NCALD: variants seen among roughly 807,000 people sequenced by gnomAD.
NCALD encodes the protein neurocalcin-delta.
Under a neutral mutation model 18.6 loss-of-function variants are expected in NCALD, and 10 were observed. The observed-to-expected ratio is 0.54, with a 90% confidence interval of 0.33 to 0.91. The LOEUF (loss-of-function observed/expected upper bound fraction) is 0.91, where lower values mean the gene tolerates loss of function less well. NCALD is among the 40% of genes least tolerant of loss of function. The pLI, the probability that NCALD is intolerant of heterozygous loss-of-function variation, is 0.03. For synonymous variants in NCALD, 88 were observed against 87.4 expected, an observed-to-expected ratio of 1.01 and a Z score of -0.04; for missense variants, 184 against 247.6, an observed-to-expected ratio of 0.74 and a Z score of 1.72.
chr8:102,062,905 G>A (rs934242893), intron 1 of NCALD, among the ~76,000 whole-genome samples: 1 of 152,104 alleles, frequency 6.6e-6, no homozygotes, highest in Non-Finnish European at 1.5e-5. Flanking sequence ...GGGTCAGAGA[G>A]GGTGCAAATA....
chr8:101,714,040 G>A (rs182174848), intron 2 of NCALD, among the ~76,000 whole-genome samples: 120 of 152,250 alleles, frequency 7.9e-4, no homozygotes, highest in Admixed American at 1.1e-3. Context: ...ATATCACACC[G>A]AATGGGCAAA....
chr8:101,935,290 C>G (rs1280183772), intron 2 of NCALD, among the ~76,000 whole-genome samples: 1 of 152,096 alleles, frequency 6.6e-6, no homozygotes, highest in African/African-American at 2.4e-5. Flanking sequence ...CCCGAATTTT[C>G]CAAACAATTC....
intron 2 of NCALD, among the ~76,000 whole-genome samples, chr8:102,014,641 T>C (rs1822019111): frequency 6.6e-6 from 1 of 152,244 alleles, no homozygotes; most frequent in Non-Finnish European, 1.5e-5. Flanking sequence ...ATTGTTCAAC[T>C]AAATTGATAA....
At chr8:102,063,316 A>T (rs1823905493) in intron 1 of NCALD, among the ~76,000 whole-genome samples, 1 of 152,182 alleles carries the variant, frequency 6.6e-6, no homozygotes, top group South Asian at 2.1e-4. Context: ...GCACTCTGTG[A>T]TATCATTTGG....
chr8:102,057,541 C>T lies in NCALD; in HGVS notation c.-209-37252G>A, dbSNP rs977651044. ...TATATATTGCTAAAATTTTCATGCT[C>T]CAGTGTCTACTGAAAAATAACTGTT... On this transcript the variant is annotated intron_variant, in intron 1 of 6. Coordinates refer to the NCALD transcript ENST00000311028. Among the ~76,000 whole-genome samples the T allele has an allele frequency of 5.9e-5, 9 of 152,134 alleles. 1 individual carries two copies. The highest frequency in any genetic ancestry group is 6.5e-5 in the Admixed American group (1 of 15,270).
At chr8:101,980,542 T>G (rs1211190728) in intron 2 of NCALD, among the ~76,000 whole-genome samples, 1 of 151,982 alleles carries the variant, frequency 6.6e-6, no homozygotes. Flanking sequence ...CTGGAAACAG[T>G]GAAAAATGAG....
chr8:101,749,966 G>A (rs893928626), intron 1 of NCALD: 1 of 152,616 alleles, frequency 6.6e-6, no homozygotes, highest in Non-Finnish European at 1.5e-5. Flanking sequence ...ACATACTTGA[G>A]ACTGGGTCAT....
intron 2 of NCALD, among the ~76,000 whole-genome samples, chr8:101,916,407 C>T (rs992683573): frequency 5.9e-5 from 9 of 152,110 alleles, no homozygotes; most frequent in Non-Finnish European, 1.2e-4. Flanking sequence ...ATGATACTTG[C>T]TACCACAAAA....
chr8:101,757,047 C>T (rs1370032969), intron 1 of NCALD, among the ~76,000 whole-genome samples: 1 of 152,090 alleles, frequency 6.6e-6, no homozygotes, highest in East Asian at 1.9e-4. Flanking sequence ...AACATTTTTC[C>T]AATAAGCAAA....
chr8:101,788,370 C>T (rs911348051), intron 1 of NCALD, among the ~76,000 whole-genome samples: 4 of 152,198 alleles, frequency 2.6e-5, no homozygotes, highest in Non-Finnish European at 4.4e-5. Flanking sequence ...ATGTAGGCCA[C>T]AAGCCACAGC....
At chr8:102,112,971 T>C (rs1825684601) in intron 1 of NCALD, among the ~76,000 whole-genome samples, 1 of 150,574 alleles carries the variant, frequency 6.6e-6, no homozygotes, top group African/African-American at 2.5e-5. Flanking sequence ...ACATCAGAAT[T>C]ATAAGCCAAA....
intron 1 of NCALD, among the ~76,000 whole-genome samples, chr8:102,073,784 G>T (rs1450261855): frequency 2.0e-5 from 3 of 152,266 alleles, no homozygotes; most frequent in Non-Finnish European, 4.4e-5. Flanking sequence ...GGGTCCTAAT[G>T]CTGTACCTTC....
At chr8:101,964,749 C>G (rs1819959410) in intron 2 of NCALD, among the ~76,000 whole-genome samples, 1 of 152,138 alleles carries the variant, frequency 6.6e-6, no homozygotes. Context: ...CCAAATTATC[C>G]ATAAGGACAG....
chr8:101,977,346 A>G (rs1029147906), intron 2 of NCALD, among the ~76,000 whole-genome samples: 1 of 152,110 alleles, frequency 6.6e-6, no homozygotes, highest in Admixed American at 6.5e-5. Context: ...TTCACACTCT[A>G]TGTTTGGATA....
chr8:102,016,620 C>A (rs913444877), intron 2 of NCALD, among the ~76,000 whole-genome samples: 1 of 152,180 alleles, frequency 6.6e-6, no homozygotes, highest in Non-Finnish European at 1.5e-5. Context: ...ATGGCAATCA[C>A]AAATTCAACT....
intron 1 of NCALD, among the ~76,000 whole-genome samples, chr8:102,057,580 C>T (rs1206488779): frequency 6.6e-6 from 1 of 152,202 alleles, no homozygotes; most frequent in Non-Finnish European, 1.5e-5. Context: ...TTTTACATTT[C>T]CACCTGCCTT....
intron 1 of NCALD, among the ~76,000 whole-genome samples, chr8:101,748,494 C>A (rs1810518805): frequency 6.6e-6 from 1 of 152,136 alleles, no homozygotes; most frequent in Non-Finnish European, 1.5e-5. Flanking sequence ...AAGTGTGGTC[C>A]TTCGTGAATA....
intron 4 of NCALD, among the ~76,000 whole-genome samples, chr8:101,861,414 T>C (rs1308406416): frequency 6.6e-6 from 1 of 151,886 alleles, no homozygotes; most frequent in African/African-American, 2.4e-5. Flanking sequence ...GACCACACTA[T>C]ATACAGAACT....
At chr8:102,051,991 G>C (rs1012669443) in intron 1 of NCALD, among the ~76,000 whole-genome samples, 1 of 152,154 alleles carries the variant, frequency 6.6e-6, no homozygotes, top group African/African-American at 2.4e-5. Flanking sequence ...ACAGCGACTT[G>C]CCCAGAGAAT....
Sources: gnomAD v4.1 joint callset for allele counts (sites outside exome capture counted in the v4.1 genomes callset) on GRCh38, gnomAD v4.1.1 for gene constraint, MANE v1.5 for transcripts, NCBI Gene and HGNC (gene_info 2026-07-23, HGNC 2026-07-21) for gene names.